The following PPP3CA variants were observed in gnomAD, a reference collection of about 807,000 sequenced individuals.
PPP3CA encodes protein phosphatase 3 catalytic subunit alpha, also known as CAM-PRP catalytic subunit.
Under a neutral mutation model 66.5 loss-of-function variants are expected in PPP3CA, and 14 were observed. That is an observed-to-expected ratio of 0.21 (90% CI 0.14 to 0.33). The LOEUF (loss-of-function observed/expected upper bound fraction) is 0.33. PPP3CA is among the 10% of genes least tolerant of loss of function. PPP3CA has a pLI of 1.00. For missense variants in PPP3CA, 317 were observed against 639.5 expected (o/e 0.50, Z 5.44); for synonymous variants, 232 against 226.2 (o/e 1.03, Z -0.23).
At chr4:101,098,549 A>G in intron 4 of PPP3CA, 37 bp from the exon 5 acceptor site, 1 of 1,540,742 alleles carries the variant, frequency 6.5e-7, no homozygotes, top group South Asian at 1.3e-5. Context: ...TATGATTTAT[A>G]GGCAGGATCA....
chr4:101,236,912 G>T (rs920340471), intron 1 of PPP3CA, among the ~76,000 whole-genome samples: 1 of 151,378 alleles, frequency 6.6e-6, no homozygotes, highest in Non-Finnish European at 1.5e-5. Context: ...GAAGACTCTA[G>T]ATTTAGTATC....
intron 1 of PPP3CA, among the ~76,000 whole-genome samples, chr4:101,203,197 T>G (rs1021760427): frequency 2.8e-4 from 43 of 152,204 alleles, no homozygotes; most frequent in African/African-American, 1.0e-3. Flanking sequence ...ATCAGACTAA[T>G]TAAATGAATT....
intron 1 of PPP3CA, among the ~76,000 whole-genome samples, chr4:101,278,932 G>A (rs572688661): frequency 6.6e-6 from 1 of 152,076 alleles, no homozygotes; most frequent in Non-Finnish European, 1.5e-5. Context: ...ATTCTATGCA[G>A]GCCCATTTTT....
intron 10 of PPP3CA, among the ~76,000 whole-genome samples, chr4:101,045,550 T>A (rs889505262): frequency 6.6e-6 from 1 of 152,166 alleles, no homozygotes; most frequent in Non-Finnish European, 1.5e-5. Context: ...GAAAGAAGAA[T>A]GACATTCTCC....
chr4:101,264,400 C>T (rs867114143), intron 1 of PPP3CA, among the ~76,000 whole-genome samples: 1 of 151,852 alleles, frequency 6.6e-6, no homozygotes, highest in African/African-American at 2.4e-5. Flanking sequence ...ACTGAAATGA[C>T]TTCTAAGGCA....
intron 1 of PPP3CA, among the ~76,000 whole-genome samples, chr4:101,289,250 T>C (rs561565511): frequency 6.6e-6 from 1 of 152,348 alleles, no homozygotes; most frequent in Admixed American, 6.5e-5. Flanking sequence ...TATATACATA[T>C]AGGTGTAATC....
At chr4:101,222,508 TGTTTA>T (rs1725658790) in intron 1 of PPP3CA, among the ~76,000 whole-genome samples, 1 of 151,702 alleles carries the variant, frequency 6.6e-6, no homozygotes, top group African/African-American at 2.4e-5. Flanking sequence ...CAATTCTGTG[TGTTTA>T]AGTGTACTAG....
intron 2 of PPP3CA, among the ~76,000 whole-genome samples, chr4:101,157,994 T>C (rs2110304178): frequency 6.6e-6 from 1 of 152,072 alleles, no homozygotes; most frequent in East Asian, 1.9e-4. Flanking sequence ...AAAATAATGA[T>C]GTCATATTGA....
rs140081854 is a variant in PPP3CA at position 101,233,610 on chromosome 4, A to G, written c.59-37494T>C. Among the ~76,000 whole-genome samples, 1,123 of 151,902 alleles carry G rather than the reference A, an allele frequency of 7.4e-3. 9 individuals are homozygous for G. The highest frequency in any genetic ancestry group is 0.024 in the Middle Eastern group (7 of 294). Reference sequence around the variant, plus strand: ...CTTTTCATTTTCTATTATCAAGGTAACTGGCCTCTATGTGTGATACTGAAA... The same window carrying G: ...CTTTTCATTTTCTATTATCAAGGTAGCTGGCCTCTATGTGTGATACTGAAA... On this transcript the variant is annotated intron_variant, in intron 1 of 13. Transcript: ENST00000394854.
At chr4:101,203,907 A>G (rs183760694) in intron 1 of PPP3CA, among the ~76,000 whole-genome samples, 20 of 152,354 alleles carry the variant, frequency 1.3e-4, no homozygotes, top group African/African-American at 4.8e-4. Flanking sequence ...GAAAAAAGTT[A>G]TTTTAATGGT....
At chr4:101,202,817 A>C (rs990310258) in intron 1 of PPP3CA, among the ~76,000 whole-genome samples, 5 of 152,198 alleles carry the variant, frequency 3.3e-5, no homozygotes, top group African/African-American at 4.8e-5. Context: ...TTAGTAATTT[A>C]CTGGGTTTTT....
chr4:101,076,558 T>A (rs1365760800), intron 8 of PPP3CA, among the ~76,000 whole-genome samples: 2 of 152,296 alleles, frequency 1.3e-5, no homozygotes, highest in African/African-American at 4.8e-5. Flanking sequence ...AAACGCAGAC[T>A]GGAGTGGGTC....
intron 13 of PPP3CA, among the ~76,000 whole-genome samples, chr4:101,026,785 A>C (rs1246518934): frequency 6.6e-6 from 1 of 152,212 alleles, no homozygotes; most frequent in Non-Finnish European, 1.5e-5. Context: ...TCTGCCCTTC[A>C]GCAGTGAACA....
At chr4:101,220,928 A>G (rs927965883) in intron 1 of PPP3CA, among the ~76,000 whole-genome samples, 1 of 151,814 alleles carries the variant, frequency 6.6e-6, no homozygotes, top group Admixed American at 6.6e-5. Context: ...GAATTAAATC[A>G]TGAGAAAGTC....
At chr4:101,275,833 C>T (rs780844415) in intron 1 of PPP3CA, among the ~76,000 whole-genome samples, 9 of 147,156 alleles carry the variant, frequency 6.1e-5, no homozygotes, top group Non-Finnish European at 1.0e-4. Context: ...TGGTTTTTTT[C>T]GCTTTTTGTT....
At chr4:101,276,220 C>T (rs963800177) in intron 1 of PPP3CA, among the ~76,000 whole-genome samples, 10 of 151,902 alleles carry the variant, frequency 6.6e-5, no homozygotes, top group African/African-American at 1.7e-4. Flanking sequence ...ATCGAGATTA[C>T]GGAAACCTGC....
At chr4:101,106,372 GA>G (rs201127309) in intron 3 of PPP3CA, among the ~76,000 whole-genome samples, 26,361 of 48,786 alleles carry the variant, frequency 0.54, 6,030 homozygotes, top group African/African-American at 0.58. Context: ...TTAAAAGAGA[GA>G]AAAGAAAGAA....
intron 2 of PPP3CA, among the ~76,000 whole-genome samples, chr4:101,117,641 C>G (rs1236053220): frequency 2.0e-5 from 3 of 150,930 alleles, no homozygotes; most frequent in Non-Finnish European, 4.4e-5. Context: ...GTTGTGGTGC[C>G]AATATATAAT....
chr4:101,224,735 G>A (rs1051181170), intron 1 of PPP3CA, among the ~76,000 whole-genome samples: 1 of 151,762 alleles, frequency 6.6e-6, no homozygotes, highest in Admixed American at 6.6e-5. Context: ...AGGGGGGATG[G>A]TGCAGAAGAA....
Sources: allele counts gnomAD v4.1 joint callset (sites outside exome capture counted in the v4.1 genomes callset), GRCh38; gene constraint gnomAD v4.1.1; transcripts MANE v1.5; gene names NCBI Gene and HGNC (gene_info 2026-07-23, HGNC 2026-07-21).